Variants in KIAA1217 observed in about 807,000 individuals in gnomAD.
KIAA1217 encodes the protein sickle tail protein homolog.
Under a neutral mutation model 163.9 loss-of-function variants are expected in KIAA1217, and 88 were observed. The observed-to-expected ratio is 0.54, with a 90% CI of 0.45 to 0.64. The LOEUF is 0.64. Among genes scored for constraint, KIAA1217 ranks in the 30% least tolerant of loss-of-function variants. KIAA1217 has a pLI of 0.00. For missense variants in KIAA1217, 2,372 were observed against 2,475.0 expected (o/e 0.96, Z 0.88); for synonymous variants, 903 against 923.1 (o/e 0.98, Z 0.39).
rs560755646 is a variant in KIAA1217, at chr10:23,853,495, C to A, written c.-320-153730C>A. Among the ~76,000 whole-genome samples, 33 of 152,224 alleles carry A rather than the reference C, an allele frequency of 2.2e-4. No individual in the cohort carries two copies. In the East Asian group the frequency reaches 5.0e-3, roughly 23 times the overall value. On this transcript the variant is annotated intron_variant, in intron 1 of 18. Coordinates refer to the KIAA1217 transcript ENST00000376462. ...ATTCTCTTTTTTGGTTGTGTCTCTG[C>A]CTGGCTTTGGTATCAGGATGATGCT...
At chr10:24,261,108 A>G (rs766497755) in intron 2 of KIAA1217, among the ~76,000 whole-genome samples, 7 of 152,160 alleles carry the variant, frequency 4.6e-5, no homozygotes, top group Admixed American at 2.0e-4. Context: ...GCCATTATAC[A>G]TATGTCCTTC....
intron 1 of KIAA1217, among the ~76,000 whole-genome samples, chr10:23,696,086 C>G (rs540210339): frequency 1.3e-3 from 202 of 152,304 alleles, no homozygotes; most frequent in African/African-American, 4.7e-3. Context: ...TCGAGACCCT[C>G]GACATTCTGC....
chr10:24,224,618 C>T (rs769531808), intron 2 of KIAA1217, among the ~76,000 whole-genome samples: 33 of 152,072 alleles, frequency 2.2e-4, no homozygotes, highest in Non-Finnish European at 4.6e-4. Flanking sequence ...CTGCACCCGA[C>T]CTTAATGGCT....
At chr10:24,177,067 G>A (rs111553210) in intron 2 of KIAA1217, among the ~76,000 whole-genome samples, 2,239 of 151,230 alleles carry the variant, frequency 0.015, 60 homozygotes, top group African/African-American at 0.051. Flanking sequence ...CCCGATTCCC[G>A]CCCGTGCCTC....
chr10:24,309,350 G>GCGCACA (rs1405564257), intron 2 of KIAA1217, among the ~76,000 whole-genome samples: 1 of 132,284 alleles, frequency 7.6e-6, no homozygotes, highest in East Asian at 2.2e-4. Flanking sequence ...ACGCGCGCGC[G>GCGCACA]CACACACACA....
intron 2 of KIAA1217, among the ~76,000 whole-genome samples, chr10:24,042,871 A>T (rs1848714220): frequency 6.6e-6 from 1 of 152,228 alleles, no homozygotes; most frequent in Non-Finnish European, 1.5e-5. Flanking sequence ...ATTGCTCTAA[A>T]ACCTCATCAT....
At chr10:24,500,332 C>T (rs1158741830) in intron 8 of KIAA1217, among the ~76,000 whole-genome samples, 2 of 128,922 alleles carry the variant, frequency 1.6e-5, no homozygotes, top group East Asian at 2.3e-4. Flanking sequence ...TGTGTGCATG[C>T]GTGTGTGTGT....
intron 2 of KIAA1217, among the ~76,000 whole-genome samples, chr10:24,129,625 A>G (rs1180602205): frequency 2.0e-5 from 3 of 152,080 alleles, no homozygotes; most frequent in Non-Finnish European, 1.5e-5. Flanking sequence ...TGACTCTGCT[A>G]CTGTATGACA....
intron 2 of KIAA1217, among the ~76,000 whole-genome samples, chr10:24,264,534 G>T (rs1164741485): frequency 6.6e-6 from 1 of 152,028 alleles, no homozygotes; most frequent in Non-Finnish European, 1.5e-5. Flanking sequence ...ACAAACAGAG[G>T]TGCACAGAAC....
At chr10:24,369,505 A>G (rs2051269920) in intron 2 of KIAA1217, among the ~76,000 whole-genome samples, 1 of 152,058 alleles carries the variant, frequency 6.6e-6, no homozygotes, top group African/African-American at 2.4e-5. Flanking sequence ...CTAGCAAGGA[A>G]AGCCTCTTTG....
chr10:24,263,453 T>G (rs1013055862), intron 2 of KIAA1217, among the ~76,000 whole-genome samples: 8 of 152,146 alleles, frequency 5.3e-5, no homozygotes, highest in African/African-American at 1.9e-4. Flanking sequence ...CTGGGTTTCG[T>G]CCCCAGGACA....
intron 2 of KIAA1217, among the ~76,000 whole-genome samples, chr10:24,319,609 G>C (rs1276475887): frequency 6.6e-6 from 1 of 152,216 alleles, no homozygotes; most frequent in East Asian, 1.9e-4. Context: ...CGTAGAGCAA[G>C]AGGTAGAAGA....
At chr10:24,370,138 G>A (rs151336949) in intron 2 of KIAA1217, among the ~76,000 whole-genome samples, 3,233 of 151,934 alleles carry the variant, frequency 0.021, 88 homozygotes, top group East Asian at 0.1. Flanking sequence ...GATGGCGGGC[G>A]CCTGTAGTCC....
chr10:24,428,633 G>T (rs1245813115), intron 3 of KIAA1217, among the ~76,000 whole-genome samples: 1 of 151,890 alleles, frequency 6.6e-6, no homozygotes, highest in African/African-American at 2.4e-5. Context: ...TAAATCATTC[G>T]TTTATTCATT....
At chr10:23,822,259 C>G (rs1363683841) in intron 1 of KIAA1217, among the ~76,000 whole-genome samples, 1 of 152,146 alleles carries the variant, frequency 6.6e-6, no homozygotes, top group East Asian at 1.9e-4. Flanking sequence ...ACTCATGAAC[C>G]TAAAAGTTCT....
chr10:24,013,357 A>G (rs1564610635), intron 2 of KIAA1217, among the ~76,000 whole-genome samples: 2 of 151,718 alleles, frequency 1.3e-5, no homozygotes, highest in Non-Finnish European at 2.9e-5. Flanking sequence ...TTATTTCAAT[A>G]TACATCTATA....
intron 2 of KIAA1217, among the ~76,000 whole-genome samples, chr10:24,099,574 T>C (rs1007719183): frequency 1.4e-5 from 2 of 146,452 alleles, no homozygotes; most frequent in Non-Finnish European, 3.0e-5. Context: ...TTTCTTTATA[T>C]ATATATATAT....
intron 6 of KIAA1217, chr10:24,482,463 T>C: frequency 6.6e-6 from 1 of 152,242 alleles, no homozygotes; most frequent in East Asian, 1.9e-4. Context: ...ATCAGCTTAA[T>C]GCAGAATCGT....
intron 2 of KIAA1217, among the ~76,000 whole-genome samples, chr10:24,059,752 T>C (rs2060650418): frequency 6.6e-6 from 1 of 152,156 alleles, no homozygotes; most frequent in South Asian, 2.1e-4. Context: ...TTATTTTTTG[T>C]ATTTTTAGTA....
Sources: allele counts gnomAD v4.1 joint callset (sites outside exome capture counted in the v4.1 genomes callset), GRCh38; gene constraint gnomAD v4.1.1; transcripts MANE v1.5; gene names NCBI Gene and HGNC (gene_info 2026-07-23, HGNC 2026-07-21).